The following ZBTB46 variants were observed in gnomAD, a reference collection of about 807,000 sequenced individuals.
ZBTB46 encodes the protein zinc finger and BTB domain containing 46, also known as zinc finger and BTB domain-containing protein 46.
Under a neutral mutation model 44.1 loss-of-function variants are expected in ZBTB46, and 8 were observed. The observed-to-expected ratio is 0.18, with a 90% CI of 0.11 to 0.33. The LOEUF (loss-of-function observed/expected upper bound fraction) is 0.33. Ranked by LOEUF, ZBTB46 falls within the 10% of genes least tolerant of loss-of-function variation. The pLI is 1.00. For synonymous variants in ZBTB46, 409 were observed against 382.3 expected (o/e 1.07, Z -0.81); for missense variants, 651 against 847.7 (o/e 0.77, Z 2.88).
chr20:63,792,390 G>A (rs1228618398), intron 1 of ZBTB46, among the ~76,000 whole-genome samples: 3 of 150,996 alleles, frequency 2.0e-5, no homozygotes, highest in Admixed American at 6.6e-5. Flanking sequence ...TGTCCTTCCG[G>A]CAAGGAGCCC....
intron 3 of ZBTB46, chr20:63,768,189 A>C: frequency 2.3e-6 from 2 of 887,540 alleles, no homozygotes; most frequent in Non-Finnish European, 2.7e-6. Flanking sequence ...CAAAACATTA[A>C]CACCTGCCAC....
chr20:63,747,466 C>G (rs1003519865), intron 4 of ZBTB46, among the ~76,000 whole-genome samples, 165 bp from the exon 5 acceptor site: 1 of 26,340 alleles, frequency 3.8e-5, no homozygotes, highest in African/African-American at 1.6e-4. Context: ...GTGGGGGGGG[C>G]GGGGCAGGGG....
intron 3 of ZBTB46, among the ~76,000 whole-genome samples, chr20:63,766,681 C>T (rs1458881979): frequency 6.6e-6 from 1 of 152,220 alleles, no homozygotes; most frequent in African/African-American, 2.4e-5. Context: ...AGCGCGGTCA[C>T]CTTTGGTAAA....
At chr20:63,812,215 A>C (rs996809907) in intron 1 of ZBTB46, among the ~76,000 whole-genome samples, 76 of 152,246 alleles carry the variant, frequency 5.0e-4, no homozygotes, top group Non-Finnish European at 9.8e-4. Context: ...ATTAACATTA[A>C]AATTTTTCAC....
intron 3 of ZBTB46, among the ~76,000 whole-genome samples, chr20:63,771,188 T>G (rs1037441520): frequency 6.6e-6 from 1 of 151,746 alleles, no homozygotes; most frequent in Non-Finnish European, 1.5e-5. Context: ...CGCTCTTGTC[T>G]TCTTCTCTCT....
rs541965747 is a variant in ZBTB46, at chr20:63,803,038, C to T, written c.-33-12248G>A. Among the ~76,000 whole-genome samples, 100 of 152,270 alleles carry T rather than the reference C, an allele frequency of 6.6e-4. No individual in the cohort carries two copies. Among genetic ancestry groups the T allele is most frequent in the African/African-American group, 2.3e-3 (96 of 41,576 alleles). On this transcript the variant is annotated intron_variant, in intron 1 of 4. Coordinates refer to ENST00000245663, the MANE Select transcript of ZBTB46 (RefSeq NM_001369741.1). The surrounding 1 kb of genome is among the most constrained non-coding windows in gnomAD (Gnocchi z 4.0). ...CCACCAAAGAGCGCGATGCCACAGA[C>T]GCCAACAGGAGGAAACACGTTTCTG...
chr20:63,759,382 ATTTC>A (rs1160975311), intron 3 of ZBTB46, among the ~76,000 whole-genome samples: 4 of 151,710 alleles, frequency 2.6e-5, no homozygotes, highest in Admixed American at 2.0e-4. Context: ...CCTTCCATTC[ATTTC>A]TTTTTCTTTT....
At chr20:63,779,179 T>C (rs139433994) in intron 2 of ZBTB46, among the ~76,000 whole-genome samples, 125 of 152,250 alleles carry the variant, frequency 8.2e-4, no homozygotes, top group South Asian at 2.1e-3. Flanking sequence ...GGGGTGCACA[T>C]TCAGCTCATA....
At chr20:63,812,388 A>G (rs1392841186) in intron 1 of ZBTB46, among the ~76,000 whole-genome samples, 3 of 150,528 alleles carry the variant, frequency 2.0e-5, no homozygotes, top group African/African-American at 4.9e-5. Context: ...GTGCACCTGT[A>G]ATCCCAGCAC....
chr20:63,749,543 A>G (rs113714426), intron 4 of ZBTB46, among the ~76,000 whole-genome samples: 195 of 152,236 alleles, frequency 1.3e-3, no homozygotes, highest in South Asian at 6.0e-3. Context: ...TCACCGTGTT[A>G]GCCAGGATGG....
At chr20:63,800,538 C>T (rs2092635497) in intron 1 of ZBTB46, among the ~76,000 whole-genome samples, 1 of 152,182 alleles carries the variant, frequency 6.6e-6, no homozygotes, top group South Asian at 2.1e-4. Flanking sequence ...GAGCCGGCTC[C>T]CTCAGCTTGC....
At position 63,803,421 on chromosome 20, in the gene ZBTB46, G is replaced by A. The variant is rs915413313; in HGVS notation, c.-33-12631C>T. The A allele has an allele frequency of 4.1e-6, 4 of 985,284 alleles. No homozygotes were observed. Among genetic ancestry groups the A allele is most frequent in the South Asian group, 4.7e-5 (1 of 21,290 alleles). The allele number at this position is 985,284 out of a possible 1,614,324, so 61.0% of individuals were successfully genotyped here. The stretch of plus-strand genomic sequence containing the variant: ...AGACATGTTAGCAGAGTCGTCTTTC[G>A]ACAGCGAGACCGGTGGTACTATCCA... On this transcript the variant is annotated intron_variant, in intron 1 of 4. Coordinates refer to ENST00000245663, the MANE Select transcript of ZBTB46 (RefSeq NM_001369741.1). This position sits in a 1 kb window ranked among gnomAD's most constrained non-coding sequence, Gnocchi z 4.0.
At chr20:63,764,604 T>C (rs2092303164) in intron 3 of ZBTB46, among the ~76,000 whole-genome samples, 1 of 115,858 alleles carries the variant, frequency 8.6e-6, no homozygotes, top group South Asian at 3.0e-4. Context: ...ATTTTTTCTC[T>C]GTTTTTTTTT....
At chr20:63,802,357 G>C (rs1326099439) in intron 1 of ZBTB46, among the ~76,000 whole-genome samples, 1 of 152,070 alleles carries the variant, frequency 6.6e-6, no homozygotes, top group African/African-American at 2.4e-5. Flanking sequence ...GGGAGACGGA[G>C]GCTGCAGTGA....
intron 1 of ZBTB46, among the ~76,000 whole-genome samples, chr20:63,806,176 C>A (rs941102948): frequency 7.3e-5 from 11 of 149,910 alleles, no homozygotes; most frequent in Non-Finnish European, 1.6e-4. Context: ...CTGAGACGAG[C>A]GGATCACCTG....
At chr20:63,785,454 G>A (rs567253037) in intron 2 of ZBTB46, among the ~76,000 whole-genome samples, 62 of 151,710 alleles carry the variant, frequency 4.1e-4, no homozygotes, top group African/African-American at 1.4e-3. Context: ...CCAGCTACTC[G>A]GAGGCTGAGG....
intron 1 of ZBTB46, among the ~76,000 whole-genome samples, chr20:63,808,576 TGA>T (rs1258127588): frequency 6.6e-6 from 1 of 152,112 alleles, no homozygotes; most frequent in Non-Finnish European, 1.5e-5. Flanking sequence ...TGCCTCCCCA[TGA>T]GACCTGAGCT....
Position 63,746,719 on chromosome 20 carries a change from T to C in ZBTB46, c.*211A>G. On this transcript the variant is annotated 3_prime_UTR_variant, in exon 5 of 5. Coordinates refer to ENST00000245663, the MANE Select transcript of ZBTB46 (RefSeq NM_001369741.1). The stretch of plus-strand genomic sequence containing the variant: ...AACCCACCCTGTGCCCTCCCCCAAC[T>C]CACTTCATGTCTGGTCCCAGAGCAC... 1.4e-6 allele frequency: 1 copy of C among 698,384 alleles called. No individual in the cohort carries two copies. The highest frequency in any genetic ancestry group is 2.9e-5 in the South Asian group (1 of 34,776). The allele number at this position is 698,384 out of a possible 1,614,324, so 43.3% of individuals were successfully genotyped here. A position where few individuals can be genotyped will look rare whatever the true frequency, so the allele number is the denominator to read the frequency against.
intron 3 of ZBTB46, among the ~76,000 whole-genome samples, chr20:63,772,524 G>A (rs2092383398): frequency 6.6e-6 from 1 of 151,310 alleles, no homozygotes; most frequent in South Asian, 2.1e-4. Context: ...TTCGAGACCA[G>A]CCTGGCCAAC....
Sources: gnomAD v4.1 joint callset for allele counts (sites outside exome capture counted in the v4.1 genomes callset) on GRCh38, gnomAD v4.1.1 for gene constraint, Gnocchi (gnomAD v3.1) non-coding constraint, MANE v1.5 for transcripts, NCBI Gene and HGNC (gene_info 2026-07-23, HGNC 2026-07-21) for gene names.